The following MAML1 variants were observed in gnomAD, a reference collection of about 807,000 sequenced individuals.
MAML1 encodes the protein mastermind-like protein 1.
MAML1 carries 14 observed loss-of-function variants against 77.1 expected under a neutral mutation model. The ratio of observed to expected loss-of-function variants is 0.18; its 90% confidence interval spans 0.12 to 0.28. The LOEUF (loss-of-function observed/expected upper bound fraction) is 0.28, where lower values mean the gene tolerates loss of function less well. Ranked by LOEUF, MAML1 falls within the 10% of genes least tolerant of loss-of-function variation. MAML1 has a pLI of 1.00. For missense variants in MAML1, 1,217 were observed against 1,327.8 expected, an observed-to-expected ratio of 0.92 and a Z score of 1.30; for synonymous variants, 516 against 551.9, an observed-to-expected ratio of 0.93 and a Z score of 0.91.
chr5:179,741,591 C>G (rs776206841), intron 1 of MAML1, among the ~76,000 whole-genome samples: 2 of 147,686 alleles, frequency 1.4e-5, no homozygotes, highest in Non-Finnish European at 3.0e-5. Context: ...GAGGCTGAGG[C>G]AGGATAATCA....
rs1013452747 is a variant in MAML1 at position 179,771,194 on chromosome 5, C to T, written c.2019C>T (p.Tyr673=). Residue 673 remains tyrosine (Y), a synonymous_variant, in exon 4 of 5, where the codon TAC becomes TAT. Coordinates refer to ENST00000292599, the MANE Select transcript of MAML1 (RefSeq NM_014757.5). This position sits in a 1 kb window ranked among gnomAD's most constrained non-coding sequence, Gnocchi z 4.7. The part of the protein sequence containing the change: ...QRHLTRPPPQ[Y]QDPTQGSFPQ... ...ATCTGACCCGCCCACCACCCCAGTACCAAGACCCGACACAAGGCAGCTTCC... is the reference window on the plus strand; with the variant it reads ...ATCTGACCCGCCCACCACCCCAGTATCAAGACCCGACACAAGGCAGCTTCC... The T allele has an allele frequency of 6.8e-6, 11 of 1,614,154 alleles. No homozygotes were observed. The highest frequency in any genetic ancestry group is 9.3e-6 in the Non-Finnish European group (11 of 1,180,012).
chr5:179,752,066 A>G, intron 1 of MAML1, among the ~76,000 whole-genome samples: 1 of 149,926 alleles, frequency 6.7e-6, no homozygotes, highest in Non-Finnish European at 1.5e-5. Context: ...GGTGGCTCAC[A>G]CCTGTAATCC....
chr5:179,770,468 C>T (rs1554152174), intron 3 of MAML1, among the ~76,000 whole-genome samples: 1 of 152,054 alleles, frequency 6.6e-6, no homozygotes, highest in Non-Finnish European at 1.5e-5. Context: ...ATTGTCTGTT[C>T]TGGACATTTT....
At chr5:179,772,244 A>G (rs1756010742) in intron 4 of MAML1, among the ~76,000 whole-genome samples, 1 of 151,938 alleles carries the variant, frequency 6.6e-6, no homozygotes, top group Non-Finnish European at 1.5e-5. Context: ...TCAGCCTCCC[A>G]AGCAGCTGGG....
chr5:179,741,622 G>GT (rs1046475527), intron 1 of MAML1, among the ~76,000 whole-genome samples: 2 of 150,004 alleles, frequency 1.3e-5, no homozygotes, highest in African/African-American at 4.9e-5. Context: ...GGAGGTCGAG[G>GT]TTGTCGTGAG....
chr5:179,759,803 A>G (rs1779692131), intron 1 of MAML1, among the ~76,000 whole-genome samples: 1 of 152,254 alleles, frequency 6.6e-6, no homozygotes, highest in South Asian at 2.1e-4. Context: ...GACTCTGATG[A>G]GGAACACAGG....
rs188689989 is a variant in MAML1, at chr5:179,753,611, G to C, written c.316-11715G>C. On this transcript the variant is annotated intron_variant, in intron 1 of 4. Transcript: ENST00000292599. ...GACAGTAGTGGATGAGATGAATCGG[G>C]GGGGAGAAGTGTTTCTGTTTGGGTT... Among the ~76,000 whole-genome samples the C allele has an allele frequency of 1.7e-4, 26 of 151,806 alleles. 1 individual carries two copies. In the Middle Eastern group the frequency reaches 0.01, roughly 60 times the overall value.
Position 179,777,059 on chromosome 5 carries a change from A to G in MAML1, c.*2182A>G. On this transcript the variant is annotated 3_prime_UTR_variant, in exon 5 of 5. Coordinates refer to ENST00000292599, the MANE Select transcript of MAML1 (RefSeq NM_014757.5). ...CCAACTGTATATTTTTTACTTTTAT[A>G]GATTTTAAAACTATGATCCTTTATA... 1.0e-6 allele frequency: 1 copy of G among 983,852 alleles called. No homozygotes were observed. Among genetic ancestry groups the G allele is most frequent in the Non-Finnish European group, 1.2e-6 (1 of 828,056 alleles). 60.9% of individuals were successfully genotyped at this position (983,852 alleles called of 1,614,324 possible).
In MAML1 at chr5:179,769,833, G is replaced by A. The variant is rs964028369; in HGVS notation, c.1971+744G>A. On this transcript the variant is annotated intron_variant, in intron 3 of 4. Transcript: ENST00000292599. The surrounding 1 kb of genome is among the most constrained non-coding windows in gnomAD (Gnocchi z 4.2). Reference sequence around the variant, plus strand: ...CTCCCAAAGTGCTGAGATTACAGGCGTGAGCCACCACGCCTGGCCTTAAAT... The same window carrying A: ...CTCCCAAAGTGCTGAGATTACAGGCATGAGCCACCACGCCTGGCCTTAAAT... Among the ~76,000 whole-genome samples the A allele has an allele frequency of 2.0e-5, 3 of 151,996 alleles. No homozygotes were observed. Among genetic ancestry groups the A allele is most frequent in the African/African-American group, 7.3e-5 (3 of 41,376 alleles).
At chr5:179,759,885 G>T (rs529913302) in intron 1 of MAML1, among the ~76,000 whole-genome samples, 1 of 152,326 alleles carries the variant, frequency 6.6e-6, no homozygotes, top group African/African-American at 2.4e-5. Flanking sequence ...TGAATGGAGA[G>T]AAGTGGGTGG....
intron 1 of MAML1, among the ~76,000 whole-genome samples, chr5:179,735,191 A>G (rs530225954): frequency 1.1e-4 from 17 of 152,274 alleles, no homozygotes; most frequent in African/African-American, 3.9e-4. Flanking sequence ...AAATAAATAA[A>G]TAAAATACAG....
Position 179,752,598 on chromosome 5 carries a change from C to CTTTTTTTT in MAML1, c.316-12709_316-12702dup, listed in dbSNP as rs1172970221. Among the ~76,000 whole-genome samples, 45 of 71,836 alleles carry CTTTTTTTT rather than the reference C, an allele frequency of 6.3e-4. 6 individuals carry two copies. The highest frequency in any genetic ancestry group is 2.2e-3 in the African/African-American group (43 of 19,668). 47.1% of individuals were successfully genotyped at this position (71,836 alleles called of 152,430 possible). ...TGAGTTTAACACTTTATTAGATACT[C>CTTTTTTTT]TTTTTTTTTTTTTTTTTTTTTTTTT... On this transcript the variant is annotated intron_variant, in intron 1 of 4. Transcript: ENST00000292599.
intron 1 of MAML1, among the ~76,000 whole-genome samples, chr5:179,762,938 A>G (rs1779749152): frequency 6.6e-6 from 1 of 152,238 alleles, no homozygotes; most frequent in South Asian, 2.1e-4. Context: ...CAGTTGTTAC[A>G]TTGGAACTTG....
chr5:179,755,461 T>C (rs1291679094), intron 1 of MAML1, among the ~76,000 whole-genome samples: 1 of 152,184 alleles, frequency 6.6e-6, no homozygotes, highest in Non-Finnish European at 1.5e-5. Flanking sequence ...ACATGTACAG[T>C]ACGACACAAA....
At chr5:179,743,347 C>T (rs928312725) in intron 1 of MAML1, among the ~76,000 whole-genome samples, 3 of 149,390 alleles carry the variant, frequency 2.0e-5, no homozygotes, top group East Asian at 2.0e-4. Context: ...CCACCATGCC[C>T]GACCCCCTGC....
Position 179,769,057 on chromosome 5 carries a change from C to G in MAML1, c.1939C>G (p.Leu647Val). 6.2e-7 allele frequency: 1 copy of G among 1,614,192 alleles called. No individual in the cohort carries two copies. Residue 647 changes from leucine to valine, a missense_variant, in exon 3 of 5, where the codon CTT becomes GTT. Physicochemically the swap from Leu to Val is conservative, Grantham distance 32. Transcript: ENST00000292599. The surrounding 1 kb of genome is among the most constrained non-coding windows in gnomAD (Gnocchi z 4.2). ...AAAGCATTTACAGCAACAGCAGTTCCTTCAGAGGCAACAGCACCTTCTCGC... is the reference window on the plus strand; with the variant it reads ...AAAGCATTTACAGCAACAGCAGTTCGTTCAGAGGCAACAGCACCTTCTCGC... ...QQKHLQQQQF[L>V]QRQQHLLAEQ...
intron 1 of MAML1, among the ~76,000 whole-genome samples, chr5:179,738,807 G>T (rs1418964545): frequency 4.0e-5 from 6 of 151,006 alleles, no homozygotes; most frequent in African/African-American, 1.5e-4. Context: ...TGGAGACAGG[G>T]TCTCACTGTG....
chr5:179,766,404 TCATGATGCC>T lies in MAML1; in HGVS notation c.1395_1403del (p.Met466_Pro468del). On this transcript the variant is annotated inframe_deletion, in exon 2 of 5. Transcript: ENST00000292599. This position sits in a 1 kb window ranked among gnomAD's most constrained non-coding sequence, Gnocchi z 4.0. ...CAAGACTTCACTAACTCCAAACTGC[TCATGATGCC>T]TAGTGTGAATAAGAGTTCCCCTCGG... 1 of 1,612,400 alleles carries T rather than the reference TCATGATGCC, an allele frequency of 6.2e-7. No individual in the cohort carries two copies.
At chr5:179,763,556 G>A (rs1779759249) in intron 1 of MAML1, among the ~76,000 whole-genome samples, 1 of 152,068 alleles carries the variant, frequency 6.6e-6, no homozygotes, top group Non-Finnish European at 1.5e-5. Context: ...AGCTTTAACA[G>A]TTAAGAAATA....
Sources: allele counts gnomAD v4.1 joint callset (sites outside exome capture counted in the v4.1 genomes callset), GRCh38; gene constraint gnomAD v4.1.1; non-coding constraint Gnocchi (gnomAD v3.1); transcripts MANE v1.5; gene names NCBI Gene and HGNC (gene_info 2026-07-23, HGNC 2026-07-21).